The following PIK3C2G variants were observed in gnomAD, a reference collection of about 807,000 sequenced individuals.
PIK3C2G encodes the protein phosphatidylinositol 3-kinase C2 domain-containing subunit gamma.
Under a neutral mutation model 181.1 loss-of-function variants are expected in PIK3C2G, and 168 were observed. The observed-to-expected ratio is 0.93, with a 90% confidence interval of 0.82 to 1.05. PIK3C2G has a LOEUF of 1.05. PIK3C2G is among the 50% of genes least tolerant of loss of function. The probability of loss-of-function intolerance (pLI) is 0.00; values close to 1 mark genes in which losing one functional copy is unlikely to be tolerated. For missense variants in PIK3C2G, 1,869 were observed against 1,732.8 expected, an observed-to-expected ratio of 1.08 and a Z score of -1.40; for synonymous variants, 573 against 592.2, an observed-to-expected ratio of 0.97 and a Z score of 0.47.
the PIK3C2G span, among the ~76,000 whole-genome samples, chr12:18,692,222 A>G: frequency 6.6e-6 from 1 of 152,126 alleles, no homozygotes; most frequent in Non-Finnish European, 1.5e-5. Context: ...TCCAGGTAGG[A>G]TCTGAGATGG....
intron 31 of PIK3C2G, among the ~76,000 whole-genome samples, chr12:18,632,117 G>A (rs575338792): frequency 3.4e-4 from 51 of 152,124 alleles, no homozygotes; most frequent in South Asian, 8.3e-4. Context: ...AGAACAGCCC[G>A]CTGCAACAAA....
intron 26 of PIK3C2G, among the ~76,000 whole-genome samples, chr12:18,550,576 A>G (rs1184833725): frequency 1.3e-5 from 2 of 152,098 alleles, no homozygotes; most frequent in African/African-American, 4.8e-5. Context: ...TCGTGCTTCA[A>G]TGAGTGGCAT....
intron 17 of PIK3C2G, 62 bp downstream of exon 17, chr12:18,421,096 C>T: frequency 1.1e-6 from 1 of 919,794 alleles, no homozygotes; most frequent in Non-Finnish European, 1.8e-6. Flanking sequence ...TAAAAGGTTC[C>T]TAATGAATCA....
intron 31 of PIK3C2G, among the ~76,000 whole-genome samples, chr12:18,622,176 A>G (rs1447015723): frequency 6.6e-6 from 1 of 151,898 alleles, no homozygotes; most frequent in African/African-American, 2.4e-5. Flanking sequence ...TCTCTTGTCT[A>G]ACTAGGCTTT....
chr12:18,687,177 C>T, the PIK3C2G span, among the ~76,000 whole-genome samples: 1 of 152,082 alleles, frequency 6.6e-6, no homozygotes, highest in Non-Finnish European at 1.5e-5. Flanking sequence ...CTTTCCAAAT[C>T]TTTTTCCATG....
intron 30 of PIK3C2G, among the ~76,000 whole-genome samples, chr12:18,597,761 C>T (rs1390122572): frequency 2.6e-5 from 4 of 151,732 alleles, no homozygotes; most frequent in African/African-American, 9.7e-5. Flanking sequence ...ATTGTCTCAG[C>T]CCAAAATCTC....
At chr12:18,522,508 T>G (rs1298740823) in intron 24 of PIK3C2G, among the ~76,000 whole-genome samples, 1 of 151,834 alleles carries the variant, frequency 6.6e-6, no homozygotes, top group Non-Finnish European at 1.5e-5. Flanking sequence ...AGGTAAAGTA[T>G]TCTTGTTGGC....
chr12:18,594,047 A>G (rs897669612), intron 29 of PIK3C2G, among the ~76,000 whole-genome samples: 2 of 151,952 alleles, frequency 1.3e-5, no homozygotes, highest in Admixed American at 6.6e-5. Flanking sequence ...GAGTGTAGTC[A>G]GTACTCAGCG....
chr12:18,683,565 C>T, the PIK3C2G span: 1 of 1,478,884 alleles, frequency 6.8e-7, no homozygotes, highest in Non-Finnish European at 9.0e-7. Flanking sequence ...CAAAGCGCTG[C>T]ATGATCCAAA....
At chr12:18,389,219 G>A (rs905469424) in intron 14 of PIK3C2G, among the ~76,000 whole-genome samples, 1 of 152,080 alleles carries the variant, frequency 6.6e-6, no homozygotes, top group Non-Finnish European at 1.5e-5. Flanking sequence ...TGGGTGTGGT[G>A]GTGGGCACCT....
chr12:18,410,510 GAA>G (rs1184793762), intron 16 of PIK3C2G, among the ~76,000 whole-genome samples: 157 of 85,404 alleles, frequency 1.8e-3, no homozygotes, highest in African/African-American at 6.1e-3. Context: ...ATCTCAGAAA[GAA>G]AAAAAAAAAA....
the PIK3C2G span, among the ~76,000 whole-genome samples, chr12:18,658,995 C>G: frequency 0.58 from 88,380 of 151,414 alleles, 27,146 homozygotes; most frequent in East Asian, 0.89. Context: ...AACTCATGCT[C>G]TATGACTCAG....
At chr12:18,616,320 T>A (rs985521129) in intron 31 of PIK3C2G, among the ~76,000 whole-genome samples, 1 of 152,116 alleles carries the variant, frequency 6.6e-6, no homozygotes, top group African/African-American at 2.4e-5. Flanking sequence ...TATTATGCCC[T>A]TAACACACAG....
intron 14 of PIK3C2G, among the ~76,000 whole-genome samples, chr12:18,384,553 A>G (rs1943049625): frequency 6.6e-6 from 1 of 152,214 alleles, no homozygotes; most frequent in Non-Finnish European, 1.5e-5. Flanking sequence ...ATATAAATTC[A>G]TGATTTTAAG....
the PIK3C2G span, among the ~76,000 whole-genome samples, chr12:18,714,102 A>C: frequency 6.6e-6 from 1 of 152,242 alleles, no homozygotes; most frequent in Non-Finnish European, 1.5e-5. Flanking sequence ...GTATGCCATC[A>C]TGAAATAGGT....
the PIK3C2G span, among the ~76,000 whole-genome samples, chr12:18,669,500 T>C: frequency 6.6e-6 from 1 of 152,200 alleles, no homozygotes; most frequent in African/African-American, 2.4e-5. Context: ...ATAGACTCGG[T>C]GGCTTAAACA....
In PIK3C2G at chr12:18,572,324, C is replaced by T. The variant is rs368713957; in HGVS notation, c.4011+5267C>T. Among the ~76,000 whole-genome samples the T allele has an allele frequency of 4.2e-3, 610 of 146,356 alleles. 2 individuals are homozygous for T. The highest frequency in any genetic ancestry group is 0.013 in the African/African-American group (514 of 40,298). ...TTTATATATAAAGTTATATATCATACGGCCTTATTGTAATTATATAAAATA... is the reference window on the plus strand; with the variant it reads ...TTTATATATAAAGTTATATATCATATGGCCTTATTGTAATTATATAAAATA... On this transcript the variant is annotated intron_variant, in intron 29 of 32. Coordinates refer to ENST00000538779, the MANE Select transcript of PIK3C2G (RefSeq NM_001288772.2).
intron 26 of PIK3C2G, among the ~76,000 whole-genome samples, chr12:18,557,494 A>G (rs561196050): frequency 4.4e-4 from 67 of 152,258 alleles, no homozygotes; most frequent in African/African-American, 1.6e-3. Context: ...ATAGAAAAGA[A>G]TGTCATTAAC....
intron 31 of PIK3C2G, among the ~76,000 whole-genome samples, chr12:18,624,561 T>C (rs994918173): frequency 4.6e-5 from 7 of 151,700 alleles, no homozygotes; most frequent in Non-Finnish European, 7.4e-5. Context: ...TAAAAAGAGT[T>C]TGGAAGTATT....
Sources: allele counts gnomAD v4.1 joint callset (sites outside exome capture counted in the v4.1 genomes callset), GRCh38; gene constraint gnomAD v4.1.1; transcripts MANE v1.5; gene names NCBI Gene and HGNC (gene_info 2026-07-23, HGNC 2026-07-21).